Variants in OSBPL10 observed in about 807,000 individuals in gnomAD.
The protein encoded by OSBPL10 is oxysterol binding protein like 10, also known as oxysterol-binding protein-related protein 10.
A neutral mutation model predicts 81.7 loss-of-function variants in OSBPL10; 49 were observed. The observed-to-expected ratio is 0.60, with a 90% CI of 0.48 to 0.76. OSBPL10 has a LOEUF of 0.76. OSBPL10 is among the 30% of genes least tolerant of loss of function. The pLI is 0.00. For synonymous variants in OSBPL10, 419 were observed against 383.6 expected, an observed-to-expected ratio of 1.09 and a Z score of -1.08; for missense variants, 923 against 987.8, an observed-to-expected ratio of 0.93 and a Z score of 0.88.
chr3:31,756,666 C>T (rs1697897664), intron 4 of OSBPL10, among the ~76,000 whole-genome samples: 1 of 152,110 alleles, frequency 6.6e-6, no homozygotes. Context: ...CAAAATAACC[C>T]AATGGGGGTA....
At chr3:31,989,228 G>A (rs1280052824) in intron 2 of OSBPL10, 2 of 1,614,036 alleles carry the variant, frequency 1.2e-6, no homozygotes, top group African/African-American at 2.7e-5. Flanking sequence ...GCTTTATACA[G>A]GGCCATGATG....
At chr3:32,051,019 T>G (rs1481279559) in intron 1 of OSBPL10, among the ~76,000 whole-genome samples, 1 of 152,186 alleles carries the variant, frequency 6.6e-6, no homozygotes, top group Non-Finnish European at 1.5e-5. Context: ...AAAGTGGATA[T>G]CCAAGCTATA....
At chr3:31,878,318 G>A (rs1023712972) in intron 2 of OSBPL10, among the ~76,000 whole-genome samples, 7 of 152,086 alleles carry the variant, frequency 4.6e-5, no homozygotes, top group South Asian at 2.1e-4. Context: ...TACGTTTTTC[G>A]TCTGCTATTG....
intron 1 of OSBPL10, among the ~76,000 whole-genome samples, chr3:31,904,544 T>G (rs183988914): frequency 6.0e-4 from 92 of 152,224 alleles, no homozygotes; most frequent in Admixed American, 4.5e-3. Flanking sequence ...ATCTCAACTG[T>G]TCCTCCAACA....
intron 2 of OSBPL10, among the ~76,000 whole-genome samples, chr3:32,026,665 T>C (rs1195814022): frequency 1.3e-5 from 2 of 152,344 alleles, no homozygotes; most frequent in Non-Finnish European, 1.5e-5. Flanking sequence ...TTTTGCCTAG[T>C]GAACCAAGAG....
At chr3:31,824,042 G>A (rs1700044033) in intron 4 of OSBPL10, among the ~76,000 whole-genome samples, 1 of 152,014 alleles carries the variant, frequency 6.6e-6, no homozygotes, top group Admixed American at 6.6e-5. Flanking sequence ...TGGTAGAGAT[G>A]GGGTTTCATT....
intron 10 of OSBPL10, chr3:31,664,586 A>C: frequency 1.8e-5 from 6 of 341,962 alleles, no homozygotes; most frequent in East Asian, 6.8e-5. Flanking sequence ...ACATACATAA[A>C]CCTCTTTAAT....
intron 1 of OSBPL10, among the ~76,000 whole-genome samples, chr3:31,968,871 T>A (rs1698478173): frequency 6.6e-6 from 1 of 152,184 alleles, no homozygotes; most frequent in Non-Finnish European, 1.5e-5. Flanking sequence ...GCCAAGCTAA[T>A]AAAAATTACC....
chr3:31,888,644 G>A (rs1488557876), intron 1 of OSBPL10, among the ~76,000 whole-genome samples: 1 of 152,128 alleles, frequency 6.6e-6, no homozygotes, highest in Non-Finnish European at 1.5e-5. Flanking sequence ...TAATGGGCTG[G>A]GCACAGTGGC....
At chr3:31,970,968 ACTCTT>A (rs1033087505) in intron 1 of OSBPL10, among the ~76,000 whole-genome samples, 3 of 151,748 alleles carry the variant, frequency 2.0e-5, no homozygotes, top group Non-Finnish European at 2.9e-5. Context: ...TGCATGATGA[ACTCTT>A]CTCTTCAACA....
chr3:31,690,117 A>C (rs2125564113), intron 7 of OSBPL10, among the ~76,000 whole-genome samples: 1 of 152,246 alleles, frequency 6.6e-6, no homozygotes, highest in Admixed American at 6.6e-5. Flanking sequence ...TCCCCACCCA[A>C]GTCTCATGTC....
rs780462571 is a variant in OSBPL10 at position 31,702,437 on chromosome 3, T to C, written c.1167A>G (p.Glu389=). ...KSDNEDKEET[E]LGVMEDQRSI... The stretch of plus-strand genomic sequence containing the variant: ...TACGCTGATCCTCCATGACGCCCAA[T>C]TCCGTCTCTTCCTTATCTTCATTGT... Residue 389 remains glutamate (E), a synonymous_variant, in exon 7 of 12, where the codon GAA becomes GAG. Transcript: ENST00000396556. The C allele has an allele frequency of 2.4e-5, 39 of 1,614,066 alleles. No homozygotes were observed. Among genetic ancestry groups the C allele is most frequent in the Non-Finnish European group, 3.1e-5 (37 of 1,180,004 alleles).
At chr3:32,073,706 G>C (rs1048254239) in intron 1 of OSBPL10, among the ~76,000 whole-genome samples, 1 of 151,996 alleles carries the variant, frequency 6.6e-6, no homozygotes, top group Admixed American at 6.6e-5. Context: ...TCTATATTCT[G>C]TCTAGCCATA....
rs139342264 is a variant in OSBPL10 at position 31,798,261 on chromosome 3, C to G, written c.729+31779G>C. 1.1e-4 allele frequency among the ~76,000 whole-genome samples: 16 copies of G among 152,178 alleles called. No homozygotes were observed. The East Asian group carries it at 3.1e-3, about 29-fold the overall frequency. Reference sequence around the variant, plus strand: ...GCTGGCCAACATGATGAAACCCCGTCTCTAGTAAAAACATAAAAATTAGCT... The same window carrying G: ...GCTGGCCAACATGATGAAACCCCGTGTCTAGTAAAAACATAAAAATTAGCT... On this transcript the variant is annotated intron_variant, in intron 4 of 11. Transcript: ENST00000396556.
intron 1 of OSBPL10, among the ~76,000 whole-genome samples, chr3:31,894,966 T>C (rs1696009420): frequency 6.6e-6 from 1 of 152,088 alleles, no homozygotes; most frequent in Non-Finnish European, 1.5e-5. Flanking sequence ...AGAAGATGAA[T>C]GCAATGGCTG....
chr3:31,937,011 G>A (rs933968406), intron 1 of OSBPL10, among the ~76,000 whole-genome samples: 9 of 152,206 alleles, frequency 5.9e-5, no homozygotes, highest in Non-Finnish European at 1.2e-4. Context: ...ATGGCTGGGT[G>A]CAGTGGCTTA....
chr3:32,043,784 C>T (rs1699596485), intron 2 of OSBPL10, among the ~76,000 whole-genome samples: 1 of 152,132 alleles, frequency 6.6e-6, no homozygotes, highest in South Asian at 2.1e-4. Context: ...CAGCTGGAGG[C>T]CATTATCCTA....
At chr3:32,034,831 G>T (rs115085216) in intron 2 of OSBPL10, among the ~76,000 whole-genome samples, 1 of 152,236 alleles carries the variant, frequency 6.6e-6, no homozygotes, top group East Asian at 1.9e-4. Flanking sequence ...TGAAAATCAG[G>T]CTTAATCAAT....
intron 1 of OSBPL10, among the ~76,000 whole-genome samples, chr3:31,903,487 C>T (rs1277556773): frequency 6.6e-6 from 1 of 152,020 alleles, no homozygotes; most frequent in Non-Finnish European, 1.5e-5. Context: ...ACCACACCAC[C>T]CAGCTAATCT....
Sources: gnomAD v4.1 joint callset for allele counts (sites outside exome capture counted in the v4.1 genomes callset) on GRCh38, gnomAD v4.1.1 for gene constraint, MANE v1.5 for transcripts, NCBI Gene and HGNC (gene_info 2026-07-23, HGNC 2026-07-21) for gene names.